FGF14: variants seen among roughly 807,000 people sequenced by gnomAD.
FGF14 encodes fibroblast growth factor 14.
FGF14 carries 5 observed loss-of-function variants against 25.5 expected under a neutral mutation model. That is an observed-to-expected ratio of 0.20 (90% CI 0.10 to 0.41). The LOEUF (loss-of-function observed/expected upper bound fraction) is 0.41. Among genes scored for constraint, FGF14 ranks in the 10% least tolerant of loss-of-function variants. The pLI is 1.00. For missense variants in FGF14, 222 were observed against 320.1 expected (o/e 0.69, Z 2.34); for synonymous variants, 138 against 118.3 (o/e 1.17, Z -1.08).
At chr13:102,393,566 T>C (rs1298978974) in intron 1 of FGF14, among the ~76,000 whole-genome samples, 1 of 152,110 alleles carries the variant, frequency 6.6e-6, no homozygotes, top group African/African-American at 2.4e-5. Flanking sequence ...AAAAATAAAC[T>C]AGTGAAGATA....
At chr13:102,395,731 CAA>C (rs1400446214) in intron 1 of FGF14, 1 of 152,170 alleles carries the variant, frequency 6.6e-6, no homozygotes, top group African/African-American at 2.4e-5. Context: ...GAGTTTTTGT[CAA>C]GAGACAGTGA....
At chr13:102,082,598 C>A (rs1303953438) in intron 1 of FGF14, among the ~76,000 whole-genome samples, 2 of 152,166 alleles carry the variant, frequency 1.3e-5, no homozygotes, top group Non-Finnish European at 1.5e-5. Flanking sequence ...AAAATAGACG[C>A]GTACATTCCC....
intron 3 of FGF14, among the ~76,000 whole-genome samples, chr13:101,769,101 C>T (rs2038594458): frequency 6.6e-6 from 1 of 151,840 alleles, no homozygotes; most frequent in Non-Finnish European, 1.5e-5. Context: ...TCTCTTAAAG[C>T]CCAGTAATAA....
chr13:101,988,222 A>T (rs1566538484), intron 1 of FGF14, among the ~76,000 whole-genome samples: 1 of 151,978 alleles, frequency 6.6e-6, no homozygotes, highest in Non-Finnish European at 1.5e-5. Context: ...TGAACAAAAC[A>T]TATCAAAGTG....
chr13:102,306,227 A>C (rs1399825566), intron 1 of FGF14, among the ~76,000 whole-genome samples: 1 of 152,190 alleles, frequency 6.6e-6, no homozygotes, highest in African/African-American at 2.4e-5. Flanking sequence ...TAATCAGTAC[A>C]CTGGAATACA....
chr13:101,722,914 G>C lies in FGF14; in HGVS notation c.661C>G (p.Pro221Ala). ...GTGCTTTTACTTGGCGTCACCCCAG[G>C]CTTCGGGACCGTTTCCCCAACATCA... ...LHDVGETVPKPGVTPSKSTSA... is the reference protein window; with the variant it reads ...LHDVGETVPKAGVTPSKSTSA... The change falls in exon 5 of 5, where the codon CCT (proline) becomes GCT (alanine). Residue 221 changes from proline (P) to alanine (A), a missense_variant. Pro to Ala is a conservative substitution (Grantham distance 27). Around this residue, in one of 5 missense-constraint regions of FGF14, gnomAD observed 66 missense variants for 90.3 expected, o/e 0.73. Transcript: ENST00000376143. 1 of 1,613,266 alleles carries C rather than the reference G, an allele frequency of 6.2e-7. No individual in the cohort carries two copies. Among genetic ancestry groups the C allele is most frequent in the Middle Eastern group, 1.7e-4 (1 of 6,052 alleles).
chr13:102,356,938 T>TATAC (rs1358661683), intron 1 of FGF14, among the ~76,000 whole-genome samples: 2 of 149,884 alleles, frequency 1.3e-5, no homozygotes, highest in Non-Finnish European at 3.0e-5. Flanking sequence ...CATATATATA[T>TATAC]ATATATATAT....
chr13:102,347,892 TG>T (rs1293977327), intron 1 of FGF14, among the ~76,000 whole-genome samples: 2 of 152,094 alleles, frequency 1.3e-5, no homozygotes, highest in East Asian at 3.9e-4. Context: ...TAAACAGTGA[TG>T]ATCTCCCAGG....
chr13:102,189,920 C>G (rs1165304041), intron 1 of FGF14, among the ~76,000 whole-genome samples: 1 of 152,098 alleles, frequency 6.6e-6, no homozygotes, highest in African/African-American at 2.4e-5. Context: ...AGAGTGAGAA[C>G]TCACTCAACA....
rs139338481 is a variant in FGF14 at position 102,111,412 on chromosome 13, A to G, written c.209-236116T>C. Among the ~76,000 whole-genome samples, 1,237 of 152,276 alleles carry G rather than the reference A, an allele frequency of 8.1e-3. 8 individuals carry two copies. The highest frequency in any genetic ancestry group is 0.014 in the Non-Finnish European group (959 of 68,016). ...TACTAGCAATTGTTGACTGTTTACTACATATCAAGATTGTCTCATGGGTTA... is the reference window on the plus strand; with the variant it reads ...TACTAGCAATTGTTGACTGTTTACTGCATATCAAGATTGTCTCATGGGTTA... On this transcript the variant is annotated intron_variant, in intron 1 of 4. Transcript: ENST00000376131.
chr13:102,295,062 G>A (rs1017319196), intron 1 of FGF14, among the ~76,000 whole-genome samples: 1 of 151,992 alleles, frequency 6.6e-6, no homozygotes, highest in Non-Finnish European at 1.5e-5. Context: ...TTAAGTAGTT[G>A]GTATGATTAT....
At chr13:101,985,051 C>T (rs1045058380) in intron 1 of FGF14, among the ~76,000 whole-genome samples, 4 of 149,244 alleles carry the variant, frequency 2.7e-5, no homozygotes, top group African/African-American at 9.9e-5. Context: ...GTATAAAGAC[C>T]TGGCCATGAA....
chr13:101,799,787 T>C (rs892776596), intron 3 of FGF14, among the ~76,000 whole-genome samples: 6 of 151,966 alleles, frequency 3.9e-5, no homozygotes, highest in African/African-American at 1.4e-4. Flanking sequence ...CAAATGAACA[T>C]TAGGAACTAA....
intron 1 of FGF14, among the ~76,000 whole-genome samples, chr13:102,303,927 C>G (rs2055219648): frequency 6.6e-6 from 1 of 152,042 alleles, no homozygotes; most frequent in South Asian, 2.1e-4. Flanking sequence ...ACAAATTTAC[C>G]AACAGCGATT....
intron 1 of FGF14, among the ~76,000 whole-genome samples, chr13:101,951,930 G>T (rs564732382): frequency 6.6e-6 from 1 of 152,200 alleles, no homozygotes; most frequent in African/African-American, 2.4e-5. Context: ...AAATATTTGA[G>T]TATGGCCAAT....
rs539895694 is a variant in FGF14, at chr13:101,800,884, C to T, written c.408+67841G>A. 3.9e-5 allele frequency among the ~76,000 whole-genome samples: 6 copies of T among 152,148 alleles called. No individual in the cohort carries two copies. In the South Asian group the frequency reaches 6.2e-4, roughly 16 times the overall value. Reference sequence around the variant, plus strand: ...AACTTTATTTACAGAAATAGGTGATCGTCCAGATTTCAGGCCATCCTGAAC... The same window carrying T: ...AACTTTATTTACAGAAATAGGTGATTGTCCAGATTTCAGGCCATCCTGAAC... On this transcript the variant is annotated intron_variant, in intron 3 of 4. Transcript: ENST00000376143.
chr13:102,068,590 C>T (rs1022041539), intron 1 of FGF14, among the ~76,000 whole-genome samples: 7 of 152,220 alleles, frequency 4.6e-5, no homozygotes, highest in Non-Finnish European at 7.3e-5. Context: ...CCTGCCAGCC[C>T]CGGGCAGTGA....
intron 1 of FGF14, among the ~76,000 whole-genome samples, chr13:102,197,732 T>C (rs563140085): frequency 1.6e-4 from 24 of 152,128 alleles, no homozygotes; most frequent in Non-Finnish European, 2.8e-4. Context: ...GATATACATA[T>C]GCTATATAAA....
intron 1 of FGF14, among the ~76,000 whole-genome samples, chr13:102,334,273 G>C (rs765221731): frequency 2.0e-5 from 3 of 152,126 alleles, no homozygotes; most frequent in Non-Finnish European, 4.4e-5. Context: ...CTGTGGTTTA[G>C]TCCTATCTGA....
Sources: allele counts gnomAD v4.1 joint callset (sites outside exome capture counted in the v4.1 genomes callset), GRCh38; gene constraint gnomAD v4.1.1; regional missense constraint gnomAD v4.1.1; transcripts MANE v1.5; gene names NCBI Gene and HGNC (gene_info 2026-07-23, HGNC 2026-07-21).